The following OPCML variants were observed in gnomAD, a reference collection of about 807,000 sequenced individuals.
The protein encoded by OPCML is opioid-binding protein/cell adhesion molecule.
Under a neutral mutation model 37.8 loss-of-function variants are expected in OPCML, and 13 were observed. The observed-to-expected ratio is 0.34, with a 90% CI of 0.22 to 0.55. The LOEUF is 0.55. Ranked by LOEUF, OPCML falls within the 20% of genes least tolerant of loss-of-function variation. The probability of loss-of-function intolerance (pLI) is 0.91; values close to 1 mark genes in which losing one functional copy is unlikely to be tolerated. For missense variants in OPCML, 341 were observed against 435.6 expected, an observed-to-expected ratio of 0.78 and a Z score of 1.93; for synonymous variants, 176 against 168.8, an observed-to-expected ratio of 1.04 and a Z score of -0.33.
At chr11:133,318,290 C>T (rs905666467) in intron 1 of OPCML, among the ~76,000 whole-genome samples, 2 of 152,230 alleles carry the variant, frequency 1.3e-5, no homozygotes, top group Non-Finnish European at 2.9e-5. Context: ...TAAAACACAG[C>T]TGCAGAAAAG....
chr11:132,715,557 G>A (rs2226638), intron 2 of OPCML, among the ~76,000 whole-genome samples: 1 of 151,872 alleles, frequency 6.6e-6, no homozygotes, highest in Non-Finnish European at 1.5e-5. Context: ...TGGGAGGCAT[G>A]GGGGTGGGGT....
At position 133,212,582 on chromosome 11, in the gene OPCML, CTCTTT is replaced by C. The variant is rs1555115830; in HGVS notation, c.62-269577_62-269573del. Among the ~76,000 whole-genome samples, 1 of 152,220 alleles carries C rather than the reference CTCTTT, an allele frequency of 6.6e-6. No homozygotes were observed. The highest frequency in any genetic ancestry group is 1.5e-5 in the Non-Finnish European group (1 of 68,040). ...CGCTGCACTCTTGATCTCCCTTACT[CTCTTT>C]TACTTTCTCACTTGTCCAAAGCCCT... On this transcript the variant is annotated intron_variant, in intron 1 of 7. Transcript: ENST00000524381. The surrounding 1 kb of genome is among the most constrained non-coding windows in gnomAD (Gnocchi z 4.9).
intron 2 of OPCML, among the ~76,000 whole-genome samples, chr11:132,672,791 A>G (rs550324799): frequency 6.6e-5 from 10 of 152,212 alleles, no homozygotes; most frequent in African/African-American, 2.4e-4. Flanking sequence ...AGGAGACAAC[A>G]TATTTAGCTT....
chr11:132,756,828 C>T (rs939905782), intron 2 of OPCML, among the ~76,000 whole-genome samples: 1 of 152,054 alleles, frequency 6.6e-6, no homozygotes, highest in South Asian at 2.1e-4. Flanking sequence ...ATGTGCAGAA[C>T]GTGCAGGTTT....
At chr11:133,222,054 C>T (rs562200092) in intron 1 of OPCML, among the ~76,000 whole-genome samples, 6 of 152,310 alleles carry the variant, frequency 3.9e-5, no homozygotes, top group Admixed American at 2.0e-4. Context: ...GGGCAGTAAT[C>T]GGACAGGCTT....
chr11:132,935,821 A>T (rs964554116), intron 2 of OPCML, among the ~76,000 whole-genome samples: 3 of 152,232 alleles, frequency 2.0e-5, no homozygotes, highest in Admixed American at 6.5e-5. Context: ...TCCTCCTTCT[A>T]TACTTTGGTA....
intron 1 of OPCML, among the ~76,000 whole-genome samples, chr11:133,424,429 A>G (rs1295043224): frequency 6.6e-6 from 1 of 152,226 alleles, no homozygotes; most frequent in East Asian, 1.9e-4. Context: ...ATAACCACTT[A>G]TAAAATTTTG....
chr11:132,600,500 GT>G (rs1937778717), intron 3 of OPCML, among the ~76,000 whole-genome samples: 1 of 152,160 alleles, frequency 6.6e-6, no homozygotes, highest in Non-Finnish European at 1.5e-5. Flanking sequence ...GCTGTAAGAA[GT>G]TTTTTATTGC....
At chr11:133,135,510 C>T (rs2137147031) in intron 1 of OPCML, among the ~76,000 whole-genome samples, 1 of 147,414 alleles carries the variant, frequency 6.8e-6, no homozygotes, top group Non-Finnish European at 1.5e-5. Flanking sequence ...GGTTTCCTCT[C>T]TTAGGAAATG....
chr11:132,502,234 A>T (rs1337077040), intron 4 of OPCML, among the ~76,000 whole-genome samples: 1 of 152,162 alleles, frequency 6.6e-6, no homozygotes, highest in East Asian at 1.9e-4. Context: ...CCTCACTGTG[A>T]GTTCTACAGG....
intron 1 of OPCML, among the ~76,000 whole-genome samples, chr11:133,463,557 T>C (rs1344974780): frequency 6.6e-6 from 1 of 152,150 alleles, no homozygotes. Context: ...ACACCAAATA[T>C]TAATATAAAA....
intron 2 of OPCML, among the ~76,000 whole-genome samples, chr11:132,934,995 C>T (rs1405326087): frequency 6.6e-6 from 1 of 151,956 alleles, no homozygotes; most frequent in Non-Finnish European, 1.5e-5. Context: ...CAAAATAACC[C>T]GGGCATGGTG....
chr11:132,932,356 T>G (rs1477174818), intron 2 of OPCML, among the ~76,000 whole-genome samples: 1 of 152,158 alleles, frequency 6.6e-6, no homozygotes, highest in Non-Finnish European at 1.5e-5. Flanking sequence ...AGGAACTTTT[T>G]GGGGTAACAA....
chr11:132,740,775 TACA>T (rs1565823655), intron 2 of OPCML, among the ~76,000 whole-genome samples: 1 of 152,212 alleles, frequency 6.6e-6, no homozygotes. Flanking sequence ...AATTCTAAAC[TACA>T]ACATTTCCTG....
intron 1 of OPCML, among the ~76,000 whole-genome samples, chr11:133,055,535 C>G (rs1948218867): frequency 6.6e-6 from 1 of 150,440 alleles, no homozygotes; most frequent in Non-Finnish European, 1.5e-5. Context: ...GGAGACGCCT[C>G]TACCGTATAA....
chr11:132,857,327 A>T (rs1942096162), intron 2 of OPCML, among the ~76,000 whole-genome samples: 1 of 152,214 alleles, frequency 6.6e-6, no homozygotes, highest in African/African-American at 2.4e-5. Context: ...TAAACTTTTT[A>T]TTTTGAAGTA....
At chr11:132,524,293 C>G (rs534367037) in intron 4 of OPCML, among the ~76,000 whole-genome samples, 1 of 152,270 alleles carries the variant, frequency 6.6e-6, no homozygotes, top group South Asian at 2.1e-4. Flanking sequence ...TTCCAATACA[C>G]CTTGCTTGCT....
intron 2 of OPCML, among the ~76,000 whole-genome samples, chr11:132,895,651 T>A (rs1943810520): frequency 6.6e-6 from 1 of 152,094 alleles, no homozygotes; most frequent in Non-Finnish European, 1.5e-5. Flanking sequence ...TTCTGATGAG[T>A]GTTATTTGCT....
At chr11:133,109,153 T>C (rs1395282003) in intron 1 of OPCML, among the ~76,000 whole-genome samples, 2 of 152,230 alleles carry the variant, frequency 1.3e-5, no homozygotes, top group Admixed American at 6.5e-5. Flanking sequence ...GCTCCCACTG[T>C]GTCTGGAGTT....
Sources: allele counts gnomAD v4.1 joint callset (sites outside exome capture counted in the v4.1 genomes callset), GRCh38; gene constraint gnomAD v4.1.1; non-coding constraint Gnocchi (gnomAD v3.1); transcripts MANE v1.5; gene names NCBI Gene and HGNC (gene_info 2026-07-23, HGNC 2026-07-21).